The following DBT variants were observed in gnomAD, a reference collection of about 807,000 sequenced individuals.
DBT encodes dihydrolipoamide branched chain transacylase E2, also known as lipoamide acyltransferase component of branched-chain alpha-keto acid dehydrogenase complex, mitochondrial.
DBT carries 40 observed loss-of-function variants against 51.3 expected under a neutral mutation model. That is an observed-to-expected ratio of 0.78 (90% CI 0.61 to 1.02). The LOEUF is 1.02. Among genes scored for constraint, DBT ranks in the 50% least tolerant of loss-of-function variants. The probability of loss-of-function intolerance (pLI) is 0.00; values close to 1 mark genes in which losing one functional copy is unlikely to be tolerated. For missense variants in DBT, 510 were observed against 580.2 expected (o/e 0.88, Z 1.24); for synonymous variants, 181 against 190.4 (o/e 0.95, Z 0.41).
chr1:100,225,426 C>T (rs995923828), intron 4 of DBT, among the ~76,000 whole-genome samples: 2 of 151,878 alleles, frequency 1.3e-5, no homozygotes, highest in Admixed American at 6.6e-5. Flanking sequence ...AAAAAATTCT[C>T]CAGAAAAAAC....
In DBT at chr1:100,207,474, T is replaced by G. The variant is rs192752078; in HGVS notation, c.1018-838A>C. ...CATAGTTGTTGAAACAGTTCTCATT[T>G]TATAATATTTAATCATATCAGAGCC... On this transcript the variant is annotated intron_variant, in intron 8 of 10. Coordinates refer to ENST00000370132, the MANE Select transcript of DBT (RefSeq NM_001918.5). Among the ~76,000 whole-genome samples the G allele has an allele frequency of 6.8e-3, 1,032 of 152,236 alleles. 8 individuals are homozygous for G. The highest frequency in any genetic ancestry group is 0.011 in the Non-Finnish European group (767 of 68,012).
chr1:100,246,535 G>C (rs1407496497), intron 1 of DBT, among the ~76,000 whole-genome samples: 1 of 152,170 alleles, frequency 6.6e-6, no homozygotes, highest in Admixed American at 6.5e-5. Context: ...GATTAATCAA[G>C]AGTCAAATGC....
In DBT at chr1:100,192,727, C is replaced by T. The variant is rs1210622032; in HGVS notation, c.*3528G>A. On this transcript the variant is annotated 3_prime_UTR_variant, in exon 11 of 11. Transcript: ENST00000370132. Reference sequence around the variant, plus strand: ...AAATATAAATTCATACCAATTTTAGCTTCCATCCTCAGACTTCCTTTCCTG... The same window carrying T: ...AAATATAAATTCATACCAATTTTAGTTTCCATCCTCAGACTTCCTTTCCTG... The T allele has an allele frequency of 6.6e-6, 1 of 152,208 alleles. No homozygotes were observed. Among genetic ancestry groups the T allele is most frequent in the East Asian group, 1.9e-4 (1 of 5,198 alleles). The allele number at this position is 152,208 out of a possible 1,614,324, so 9.4% of individuals were successfully genotyped here.
intron 7 of DBT, chr1:100,211,243 C>T: frequency 1.5e-6 from 1 of 665,836 alleles, no homozygotes; most frequent in South Asian, 1.7e-5. Context: ...GTGTCCTTGG[C>T]CAGCTGAAGG....
chr1:100,245,678 T>C (rs1176622525), intron 1 of DBT, among the ~76,000 whole-genome samples: 1 of 152,222 alleles, frequency 6.6e-6, no homozygotes, highest in Non-Finnish European at 1.5e-5. Context: ...TTCAGCCAGG[T>C]GCAGTGACTC....
rs572880077 is a variant in DBT at position 100,202,474 on chromosome 1, C to G, written c.1281+3756G>C. Among the ~76,000 whole-genome samples the G allele has an allele frequency of 2.6e-5, 4 of 152,222 alleles. No homozygotes were observed. The South Asian group carries it at 6.2e-4, about 24-fold the overall frequency. The stretch of plus-strand genomic sequence containing the variant: ...ACAATAATAATGGGAGACTTTAACA[C>G]CCCACTGTCAACATTAGACAGAACA... On this transcript the variant is annotated intron_variant, in intron 10 of 10. Coordinates refer to ENST00000370132, the MANE Select transcript of DBT (RefSeq NM_001918.5).
At chr1:100,206,765 A>T in intron 8 of DBT, 129 bp from the exon 9 acceptor site, 1 of 689,346 alleles carries the variant, frequency 1.5e-6, no homozygotes, top group Non-Finnish European at 2.6e-6. Context: ...GTGATTTAAA[A>T]GAAATAATTT....
At chr1:100,196,454 A>AT in intron 10 of DBT, 32 bp from the exon 11 acceptor site, 2 of 1,482,062 alleles carry the variant, frequency 1.3e-6, no homozygotes, top group Non-Finnish European at 1.8e-6. Flanking sequence ...AAAAAAAAAA[A>AT]AAAAAGAACA....
At chr1:100,213,422 TACCTCGTCAC>T in intron 7 of DBT, 3 of 1,585,024 alleles carry the variant, frequency 1.9e-6, no homozygotes, top group Non-Finnish European at 1.7e-6. Flanking sequence ...GCCCTACTCC[TACCTCGTCAC>T]ACGGACACCC....
chr1:100,189,913 G>T lies in DBT; in HGVS notation c.*6342C>A, dbSNP rs1395794946. On this transcript the variant is annotated 3_prime_UTR_variant, in exon 11 of 11. Coordinates refer to ENST00000370132, the MANE Select transcript of DBT (RefSeq NM_001918.5). ...GTCTACATCTGTGCTATCTGGTATG[G>T]TGCTATAAGCCACATGTAGCTATTT... The T allele has an allele frequency of 2.0e-5, 3 of 152,088 alleles. No individual in the cohort carries two copies. Among genetic ancestry groups the T allele is most frequent in the Non-Finnish European group, 2.9e-5 (2 of 68,026 alleles). The allele number at this position is 152,088 out of a possible 1,614,324, so 9.4% of individuals were successfully genotyped here.
intron 2 of DBT, 25 bp from the exon 3 acceptor site, chr1:100,235,536 C>T (rs1459389145): frequency 7.5e-7 from 1 of 1,334,576 alleles, no homozygotes; most frequent in South Asian, 1.2e-5. Context: ...GAGAAATGAT[C>T]TCATTAAGTA....
chr1:100,223,472 T>C (rs920608230), intron 4 of DBT, among the ~76,000 whole-genome samples: 1 of 152,126 alleles, frequency 6.6e-6, no homozygotes, highest in Non-Finnish European at 1.5e-5. Flanking sequence ...GTTTTGTGTG[T>C]GCGTGTTTTT....
At position 100,249,344 on chromosome 1, in the gene DBT, C is replaced by T. The variant is rs1266838441; in HGVS notation, c.51+426G>A. The T allele has an allele frequency of 1.9e-5, 5 of 266,416 alleles. No homozygotes were observed. In the Admixed American group the frequency reaches 2.3e-4, roughly 12 times the overall value. The allele number at this position is 266,416 out of a possible 1,614,324, so 16.5% of individuals were successfully genotyped here. A position where few individuals can be genotyped will look rare whatever the true frequency, so the allele number is the denominator to read the frequency against. ...AGGGACCCCTGCTGATATTCTATAA[C>T]TTGAACGGCCTCTTCCTCTACACAC... On this transcript the variant is annotated intron_variant, in intron 1 of 10. Transcript: ENST00000370132.
At chr1:100,232,408 G>A (rs1039064972) in intron 3 of DBT, among the ~76,000 whole-genome samples, 1 of 151,910 alleles carries the variant, frequency 6.6e-6, no homozygotes, top group Non-Finnish European at 1.5e-5. Context: ...CCAAAGTGTT[G>A]GGATAACAGG....
At chr1:100,239,417 T>G (rs1467633625) in intron 2 of DBT, among the ~76,000 whole-genome samples, 1 of 152,276 alleles carries the variant, frequency 6.6e-6, no homozygotes, top group South Asian at 2.1e-4. Context: ...AAAATGGAAA[T>G]TTTTGTAAAA....
chr1:100,229,754 A>G (rs1029385997), intron 4 of DBT, among the ~76,000 whole-genome samples: 6 of 152,202 alleles, frequency 3.9e-5, no homozygotes, highest in African/African-American at 1.4e-4. Flanking sequence ...CCCTAGTATC[A>G]AAACTGATTC....
At chr1:100,215,792 A>T (rs1662439989) in intron 6 of DBT, among the ~76,000 whole-genome samples, 191 bp downstream of exon 6, 1 of 152,200 alleles carries the variant, frequency 6.6e-6, no homozygotes, top group South Asian at 2.1e-4. Context: ...ACTGCACTAC[A>T]GTCTGGACAA....
rs71084808 is a variant in DBT at position 100,225,052 on chromosome 1, T to TACAC, written c.433+5677_433+5680dup. 9.8e-3 allele frequency among the ~76,000 whole-genome samples: 777 copies of TACAC among 78,920 alleles called. 47 individuals carry two copies. Among genetic ancestry groups the TACAC allele is most frequent in the African/African-American group, 0.02 (401 of 19,882 alleles). 51.8% of individuals were successfully genotyped at this position (78,920 alleles called of 152,430 possible). The stretch of plus-strand genomic sequence containing the variant: ...AAAAAAAAAAAAAAAAATATATATA[T>TACAC]ACACACACACACACACACACACACA... On this transcript the variant is annotated intron_variant, in intron 4 of 10. Transcript: ENST00000370132.
intron 2 of DBT, among the ~76,000 whole-genome samples, chr1:100,237,188 A>G (rs1217556790): frequency 1.3e-5 from 2 of 152,198 alleles, no homozygotes; most frequent in Non-Finnish European, 2.9e-5. Context: ...TCCTCATGCA[A>G]GGAAGTTGAT....
Sources: allele counts gnomAD v4.1 joint callset (sites outside exome capture counted in the v4.1 genomes callset), GRCh38; gene constraint gnomAD v4.1.1; transcripts MANE v1.5; gene names NCBI Gene and HGNC (gene_info 2026-07-23, HGNC 2026-07-21).